The following NOP53 variants were observed in gnomAD, a reference collection of about 807,000 sequenced individuals.
NOP53 encodes the protein ribosome biogenesis protein NOP53.
In NOP53, 40 loss-of-function variants were observed where a neutral mutation model predicts 61.0. The ratio of observed to expected loss-of-function variants is 0.66; its 90% CI spans 0.51 to 0.85. The LOEUF (loss-of-function observed/expected upper bound fraction) is 0.85, where lower values mean the gene tolerates loss of function less well. NOP53 is among the 40% of genes least tolerant of loss of function. The probability of loss-of-function intolerance (pLI) is 0.00; values close to 1 mark genes in which losing one functional copy is unlikely to be tolerated. For synonymous variants in NOP53, 308 were observed against 289.5 expected, an observed-to-expected ratio of 1.06 and a Z score of -0.65; for missense variants, 689 against 652.9, an observed-to-expected ratio of 1.06 and a Z score of -0.60.
At chr19:47,751,212 G>C (rs369212972) in intron 4 of NOP53, 105 bp downstream of exon 4, 1 of 1,130,060 alleles carries the variant, frequency 8.8e-7, no homozygotes, top group East Asian at 2.6e-5. Context: ...AGTGCTTTGT[G>C]GGTGCTTTGG....
At position 47,756,679 on chromosome 19, in the gene NOP53, C is replaced by G; in HGVS notation, c.1374-9C>G. 2 of 1,613,954 alleles carry G rather than the reference C, an allele frequency of 1.2e-6. No homozygotes were observed. The highest frequency in any genetic ancestry group is 1.6e-4 in the Middle Eastern group (1 of 6,062). ...CCGGGCACTGATTGCTCCATTGTCC[C>G]TGCTCCAGGTTCAAACGCAAGTACA... On this transcript the variant is annotated splice_polypyrimidine_tract_variant and intron_variant, in intron 11 of 12. Transcript: ENST00000246802.
At chr19:47,756,381 A>C (rs1364659802) in intron 10 of NOP53, 147 bp from the exon 11 acceptor site, 1 of 621,632 alleles carries the variant, frequency 1.6e-6, no homozygotes, top group Non-Finnish European at 2.8e-6. Flanking sequence ...GAGCCCCAGC[A>C]GCTGAGGGCC....
At position 47,754,738 on chromosome 19, in the gene NOP53, G is replaced by A; in HGVS notation, c.900G>A (p.Gly300=). The part of the protein sequence containing the change: ...QESTFQELCE[G]LLEESDGEGE... ...CCACATTCCAGGAGCTGTGCGAGGGGCTGCTGGAGGAGTCGGATGGTGAGG... is the reference window on the plus strand; with the variant it reads ...CCACATTCCAGGAGCTGTGCGAGGGACTGCTGGAGGAGTCGGATGGTGAGG... The change falls in exon 8 of 13, where the codon GGG becomes GGA. Residue 300 remains glycine, a synonymous_variant. Coordinates refer to ENST00000246802, the MANE Select transcript of NOP53 (RefSeq NM_015710.5). This position sits in a 1 kb window ranked among gnomAD's most constrained non-coding sequence, Gnocchi z 4.2. The A allele has an allele frequency of 6.5e-7, 1 of 1,528,108 alleles. No homozygotes were observed. 94.7% of individuals were successfully genotyped at this position (1,528,108 alleles called of 1,614,324 possible). A position where few individuals can be genotyped will look rare whatever the true frequency, so the allele number is the denominator to read the frequency against.
chr19:47,748,273 A>T (rs938858426), intron 2 of NOP53, among the ~76,000 whole-genome samples: 22 of 151,952 alleles, frequency 1.4e-4, no homozygotes, highest in Non-Finnish European at 2.9e-5. Context: ...TGAGCGGGTA[A>T]CACACGTCTT....
intron 3 of NOP53, 45 bp from the exon 4 acceptor site, chr19:47,750,863 G>C: frequency 6.6e-7 from 1 of 1,512,156 alleles, no homozygotes; most frequent in Non-Finnish European, 9.0e-7. Context: ...TGCCGTTCAG[G>C]CTGCCACCTC....
intron 3 of NOP53, among the ~76,000 whole-genome samples, chr19:47,750,595 C>A (rs1454250004): frequency 6.6e-6 from 1 of 152,024 alleles, no homozygotes; most frequent in Non-Finnish European, 1.5e-5. Context: ...AGCTGGCCTT[C>A]CCCTGAGATG....
intron 2 of NOP53, 147 bp downstream of exon 2, chr19:47,747,178 A>T: frequency 1.6e-6 from 1 of 619,906 alleles, no homozygotes; most frequent in African/African-American, 1.9e-5. Flanking sequence ...GGGGACCTCA[A>T]ATGGGCAGAA....
Position 47,750,904 on chromosome 19 carries a change from C to A in NOP53, c.399-4C>A. The A allele has an allele frequency of 1.3e-6, 2 of 1,580,222 alleles. No individual in the cohort carries two copies. Among genetic ancestry groups the A allele is most frequent in the Non-Finnish European group, 1.7e-6 (2 of 1,164,512 alleles). On this transcript the variant is annotated splice_polypyrimidine_tract_variant and splice_region_variant and intron_variant, in intron 3 of 12. Transcript: ENST00000246802. ...CTGCACTTGTGCCCCCTCTCCCCGA[C>A]CAGCGTCCTCGCCCACCAGGTCCCC...
chr19:47,752,488 C>T, intron 5 of NOP53, 24 bp from the exon 6 acceptor site: 1 of 1,491,262 alleles, frequency 6.7e-7, no homozygotes, highest in Non-Finnish European at 9.3e-7. Context: ...ACGGCCTTAC[C>T]CTGCCTCGGC....
intron 4 of NOP53, 113 bp from the exon 5 acceptor site, chr19:47,751,407 C>A: frequency 1.2e-6 from 1 of 811,804 alleles, no homozygotes. Flanking sequence ...TCAGTCCTTC[C>A]CTTGCCTGAG....
chr19:47,748,768 G>A (rs1568598090), intron 2 of NOP53, among the ~76,000 whole-genome samples: 1 of 152,074 alleles, frequency 6.6e-6, no homozygotes, highest in Non-Finnish European at 1.5e-5. Flanking sequence ...CATGGTACAC[G>A]CATGTAATCC....
rs1025381847 is a variant in NOP53, at chr19:47,755,408, C to T, written c.1114C>T (p.Arg372Cys). ...RLRHQELFRL[R>C]GIKAQVALRL... is the part of the protein sequence containing the mutation. ...CCGGCACCAGGAGCTGTTCCGGCTGCGCGGGATCAAGGCCCAGGTGGCCCT... is the reference window on the plus strand; with the variant it reads ...CCGGCACCAGGAGCTGTTCCGGCTGTGCGGGATCAAGGCCCAGGTGGCCCT... Residue 372 changes from arginine (R) to cysteine (C), a missense_variant, in exon 9 of 13, where the codon CGC (arginine) becomes TGC (cysteine). Arg to Cys is a radical substitution (Grantham distance 180). Coordinates refer to ENST00000246802, the MANE Select transcript of NOP53 (RefSeq NM_015710.5). The T allele has an allele frequency of 7.2e-6, 11 of 1,534,082 alleles. No homozygotes were observed. In the East Asian group the frequency reaches 1.5e-4, roughly 21 times the overall value.
At chr19:47,752,287 G>T (rs1242349309) in intron 5 of NOP53, among the ~76,000 whole-genome samples, 1 of 152,114 alleles carries the variant, frequency 6.6e-6, no homozygotes, top group African/African-American at 2.4e-5. Context: ...AAGTGTTAGA[G>T]CCCAGGTGCT....
Position 47,754,532 on chromosome 19 carries a change from GCT to G in NOP53, c.775_776del (p.Ala260GlyfsTer48), listed in dbSNP as rs1967162960. ...NPSFEDHQTL[L>X]SAAHEVELQR... ...TCCTCACTCCCGCCCCTCAGACCCTGCTCTCAGCGGCCCACGAGGTGGAGTTG... is the reference window on the plus strand; with the variant it reads ...TCCTCACTCCCGCCCCTCAGACCCTGCTCAGCGGCCCACGAGGTGGAGTTG... On this transcript the variant is annotated frameshift_variant, in exon 7 of 13. Coordinates refer to ENST00000246802, the MANE Select transcript of NOP53 (RefSeq NM_015710.5). LOFTEE classifies it high-confidence loss of function. This position sits in a 1 kb window ranked among gnomAD's most constrained non-coding sequence, Gnocchi z 4.2. 1 of 1,549,932 alleles carries G rather than the reference GCT, an allele frequency of 6.5e-7. No individual in the cohort carries two copies. Among genetic ancestry groups the G allele is most frequent in the East Asian group, 2.4e-5 (1 of 41,074 alleles).
intron 1 of NOP53, 122 bp from the exon 2 acceptor site, chr19:47,746,845 C>T (rs1185867623): frequency 5.1e-6 from 4 of 781,572 alleles, no homozygotes; most frequent in South Asian, 4.8e-5. Flanking sequence ...TGGGCGAAGC[C>T]TTAGCCTGGA....
intron 4 of NOP53, 88 bp downstream of exon 4, chr19:47,751,195 G>A: frequency 8.0e-7 from 1 of 1,242,622 alleles, no homozygotes; most frequent in Non-Finnish European, 1.1e-6. Context: ...AGTACAGTGT[G>A]AAAGGGAGTG....
At chr19:47,751,978 G>A (rs777514750) in intron 5 of NOP53, among the ~76,000 whole-genome samples, 4 of 151,940 alleles carry the variant, frequency 2.6e-5, no homozygotes, top group Non-Finnish European at 4.4e-5. Flanking sequence ...TTGGTGGCAC[G>A]TGCCTGTAGT....
At position 47,754,830 on chromosome 19, in the gene NOP53, T is replaced by C. The variant is rs1265245877; in HGVS notation, c.992T>C (p.Leu331Pro). The C allele has an allele frequency of 2.6e-6, 4 of 1,538,998 alleles. 1 individual carries two copies. Among genetic ancestry groups the C allele is most frequent in the South Asian group, 2.4e-5 (2 of 82,340 alleles). Residue 331 changes from leucine (L) to proline (P), a missense_variant, in exon 8 of 13, where the codon CTG (leucine) becomes CCG (proline). Leu to Pro is a moderately conservative substitution (Grantham distance 98, BLOSUM62 -3). Coordinates refer to ENST00000246802, the MANE Select transcript of NOP53 (RefSeq NM_015710.5). The surrounding 1 kb of genome is among the most constrained non-coding windows in gnomAD (Gnocchi z 4.2). ...GAGGTCTGTCCCACGCCCGCCCGCC[T>C]GGCCACCACAGAGAAGAAGACGGAG... ...DAEVCPTPAR[L>P]ATTEKKTEQQ...
chr19:47,749,860 C>A (rs767471301), intron 2 of NOP53, among the ~76,000 whole-genome samples: 1 of 152,106 alleles, frequency 6.6e-6, no homozygotes, highest in Non-Finnish European at 1.5e-5. Context: ...GGATTACAGG[C>A]GTGAGCCACC....
Sources: allele counts gnomAD v4.1 joint callset (sites outside exome capture counted in the v4.1 genomes callset), GRCh38; gene constraint gnomAD v4.1.1; non-coding constraint Gnocchi (gnomAD v3.1); transcripts MANE v1.5; gene names NCBI Gene and HGNC (gene_info 2026-07-23, HGNC 2026-07-21).